NAV3: variants seen among roughly 807,000 people sequenced by gnomAD.
NAV3 encodes the protein pore membrane and/or filament interacting like protein 1.
In NAV3, 87 loss-of-function variants were observed where a neutral mutation model predicts 244.7. The ratio of observed to expected loss-of-function variants is 0.36; its 90% CI spans 0.30 to 0.42. The LOEUF (loss-of-function observed/expected upper bound fraction) is 0.42. NAV3 is among the 20% of genes least tolerant of loss of function. The probability of loss-of-function intolerance (pLI) is 1.00; values close to 1 mark genes in which losing one functional copy is unlikely to be tolerated. For synonymous variants in NAV3, 1,126 were observed against 1,042.2 expected (o/e 1.08, Z -1.55); for missense variants, 2,663 against 2,893.3 (o/e 0.92, Z 1.83).
chr12:77,625,299 T>A (rs1207166751), intron 2 of NAV3, among the ~76,000 whole-genome samples: 1 of 152,178 alleles, frequency 6.6e-6, no homozygotes, highest in African/African-American at 2.4e-5. Context: ...TTTACTCATT[T>A]CTAGGAGTAC....
intron 1 of NAV3, among the ~76,000 whole-genome samples, chr12:77,912,109 G>C (rs1175187639): frequency 6.6e-6 from 1 of 152,054 alleles, no homozygotes; most frequent in African/African-American, 2.4e-5. Flanking sequence ...TACTGTTTGG[G>C]GTGGAATTGT....
intron 5 of NAV3, 80 bp downstream of exon 5, chr12:77,968,782 G>A: frequency 7.1e-7 from 1 of 1,401,610 alleles, no homozygotes; most frequent in Non-Finnish European, 9.8e-7. Context: ...TTGTCCATGA[G>A]TTTGAAAAAC....
At chr12:77,928,876 A>T (rs1278189510) in intron 1 of NAV3, among the ~76,000 whole-genome samples, 1 of 152,204 alleles carries the variant, frequency 6.6e-6, no homozygotes, top group African/African-American at 2.4e-5. Flanking sequence ...AGCTCTGATA[A>T]AATCTGAAAT....
rs144525482 is a variant in NAV3, at chr12:78,200,099, A to C, written c.6716-374A>C. ...GTCAACACAGTTTAGATTAGGAAGA[A>C]GAATTCTACACTGGGACCAGAACAC... On this transcript the variant is annotated intron_variant, in intron 37 of 39. Transcript: ENST00000397909. Among the ~76,000 whole-genome samples, 317 of 152,218 alleles carry C rather than the reference A, an allele frequency of 2.1e-3. 1 individual carries two copies. Among genetic ancestry groups the C allele is most frequent in the Non-Finnish European group, 3.6e-3 (248 of 67,976 alleles).
intron 2 of NAV3, among the ~76,000 whole-genome samples, chr12:77,741,749 A>G (rs1376186865): frequency 6.6e-6 from 1 of 152,270 alleles, no homozygotes; most frequent in East Asian, 1.9e-4. Flanking sequence ...ACACTGCTCA[A>G]TATTTTCTTA....
At chr12:77,827,099 G>A (rs1040677291), upstream of NAV3, among the ~76,000 whole-genome samples, 2 of 152,010 alleles carry the variant, frequency 1.3e-5, no homozygotes, top group African/African-American at 4.8e-5. Context: ...CAGGCGTAGT[G>A]GCAGGCGCCT....
chr12:78,197,130 A>T, intron 34 of NAV3, 117 bp from the exon 35 acceptor site: 1 of 674,656 alleles, frequency 1.5e-6, no homozygotes, highest in Non-Finnish European at 2.2e-6. Flanking sequence ...TGAATAATCT[A>T]TGACTTTAAT....
At chr12:77,676,087 A>ATT (rs113664801) in intron 2 of NAV3, among the ~76,000 whole-genome samples, 4 of 151,108 alleles carry the variant, frequency 2.6e-5, no homozygotes, top group African/African-American at 9.7e-5. Flanking sequence ...TTTTTTTTAA[A>ATT]TTTTTTTTTA....
At chr12:77,756,459 G>A (rs1345438937) in intron 2 of NAV3, among the ~76,000 whole-genome samples, 1 of 152,052 alleles carries the variant, frequency 6.6e-6, no homozygotes, top group Non-Finnish European at 1.5e-5. Context: ...TAGGAATGAA[G>A]GGGTGCTTGG....
intron 1 of NAV3, among the ~76,000 whole-genome samples, chr12:77,909,152 G>A (rs550025429): frequency 2.0e-5 from 3 of 152,078 alleles, no homozygotes; most frequent in Middle Eastern, 3.4e-3. Context: ...TGTGGCTACC[G>A]TTTTTGCTAG....
chr12:77,607,121 T>C (rs1870703800), intron 2 of NAV3, among the ~76,000 whole-genome samples: 1 of 152,108 alleles, frequency 6.6e-6, no homozygotes, highest in South Asian at 2.1e-4. Flanking sequence ...CTTAAAGACG[T>C]CTGAAAAATA....
At chr12:77,890,214 C>G (rs1883770472) in intron 1 of NAV3, among the ~76,000 whole-genome samples, 1 of 152,208 alleles carries the variant, frequency 6.6e-6, no homozygotes, top group Non-Finnish European at 1.5e-5. Flanking sequence ...ACCTCAGCCT[C>G]CCAAGTAGCT....
At chr12:77,773,760 A>C (rs907739504) in intron 2 of NAV3, among the ~76,000 whole-genome samples, 2 of 152,164 alleles carry the variant, frequency 1.3e-5, no homozygotes, top group Non-Finnish European at 2.9e-5. Flanking sequence ...CAGTTTTCCC[A>C]GTATACATAA....
chr12:78,155,014 AT>A (rs1229447124), intron 22 of NAV3, among the ~76,000 whole-genome samples: 1 of 151,788 alleles, frequency 6.6e-6, no homozygotes, highest in Non-Finnish European at 1.5e-5. Flanking sequence ...TTAAGACAAT[AT>A]TTTTTTTCTT....
intron 2 of NAV3, among the ~76,000 whole-genome samples, chr12:77,598,136 G>T (rs1870254308): frequency 6.6e-6 from 1 of 152,018 alleles, no homozygotes; most frequent in Admixed American, 6.6e-5. Context: ...TTTTGAGAAT[G>T]TTATCTTTGA....
rs562802238 is a variant in NAV3 at position 78,059,212 on chromosome 12, G to T, written c.2636+97G>T. On this transcript the variant is annotated intron_variant, in intron 12 of 39. Transcript: ENST00000397909. ...CTCCTATTAAACAGTGTAAATCAAAGGACTTTTTATTTTGATAAATAATTA... is the reference window on the plus strand; with the variant it reads ...CTCCTATTAAACAGTGTAAATCAAATGACTTTTTATTTTGATAAATAATTA... 1.2e-5 allele frequency: 13 copies of T among 1,068,834 alleles called. No individual in the cohort carries two copies. The Admixed American group carries it at 3.3e-4, about 27-fold the overall frequency. 66.2% of individuals were successfully genotyped at this position (1,068,834 alleles called of 1,614,324 possible).
chr12:78,112,868 G>T (rs1169395510), intron 12 of NAV3, among the ~76,000 whole-genome samples: 1 of 152,058 alleles, frequency 6.6e-6, no homozygotes, highest in Non-Finnish European at 1.5e-5. Context: ...CTGAGACAAG[G>T]CAAGTCCCTT....
At chr12:77,995,726 G>C (rs1182959573) in intron 6 of NAV3, among the ~76,000 whole-genome samples, 1 of 152,112 alleles carries the variant, frequency 6.6e-6, no homozygotes, top group Non-Finnish European at 1.5e-5. Context: ...TTCATTTCCA[G>C]AGTAGCCAAA....
chr12:77,758,615 T>C (rs1217331237), intron 2 of NAV3, among the ~76,000 whole-genome samples: 3 of 152,216 alleles, frequency 2.0e-5, no homozygotes, highest in African/African-American at 7.2e-5. Context: ...AGCTAGAAAT[T>C]GCTGATAATA....
Sources: gnomAD v4.1 joint callset for allele counts (sites outside exome capture counted in the v4.1 genomes callset) on GRCh38, gnomAD v4.1.1 for gene constraint, MANE v1.5 for transcripts, NCBI Gene and HGNC (gene_info 2026-07-23, HGNC 2026-07-21) for gene names.